CDH13: variants seen among roughly 807,000 people sequenced by gnomAD.
CDH13 encodes cadherin 13.
A neutral mutation model predicts 63.8 loss-of-function variants in CDH13; 24 were observed. The ratio of observed to expected loss-of-function variants is 0.38; its 90% CI spans 0.27 to 0.53. The LOEUF (loss-of-function observed/expected upper bound fraction) is 0.53, where lower values mean the gene tolerates loss of function less well. Ranked by LOEUF, CDH13 falls within the 20% of genes least tolerant of loss-of-function variation. The probability of loss-of-function intolerance (pLI) is 0.85; values close to 1 mark genes in which losing one functional copy is unlikely to be tolerated. For synonymous variants in CDH13, 503 were observed against 355.3 expected, an observed-to-expected ratio of 1.42 and a Z score of -4.67; for missense variants, 1,049 against 903.1, an observed-to-expected ratio of 1.16 and a Z score of -2.07.
intron 2 of CDH13, among the ~76,000 whole-genome samples, chr16:83,029,133 A>G (rs1483638814): frequency 1.1e-4 from 16 of 152,224 alleles, no homozygotes; most frequent in Non-Finnish European, 1.5e-5. Context: ...TTGAATGTGG[A>G]AAGTGCTCAA....
chr16:83,384,783 C>G (rs1334897445), intron 6 of CDH13, among the ~76,000 whole-genome samples: 2 of 152,220 alleles, frequency 1.3e-5, no homozygotes, highest in Admixed American at 1.3e-4. Context: ...CAGGCATGCG[C>G]TTGGCTTTTG....
chr16:82,816,096 C>G (rs1314546125), intron 1 of CDH13, among the ~76,000 whole-genome samples: 3 of 152,102 alleles, frequency 2.0e-5, no homozygotes, highest in African/African-American at 7.2e-5. Flanking sequence ...GAGGATGAGC[C>G]TTGCAAACAA....
intron 8 of CDH13, among the ~76,000 whole-genome samples, chr16:83,623,289 A>C (rs138852243): frequency 6.6e-6 from 1 of 152,090 alleles, no homozygotes; most frequent in African/African-American, 2.4e-5. Context: ...GAGTTCCCCC[A>C]AATCACTCCC....
chr16:83,259,378 C>T (rs1418266770), intron 5 of CDH13, among the ~76,000 whole-genome samples: 2 of 152,114 alleles, frequency 1.3e-5, no homozygotes, highest in Non-Finnish European at 2.9e-5. Context: ...GATGGTGCTG[C>T]TTGGAAAGTC....
At chr16:83,259,807 C>T (rs1449106279) in intron 5 of CDH13, among the ~76,000 whole-genome samples, 1 of 152,138 alleles carries the variant, frequency 6.6e-6, no homozygotes, top group Non-Finnish European at 1.5e-5. Context: ...TCCATGGCAG[C>T]TTACCTACCT....
rs533375168 is a variant in CDH13, at chr16:82,776,696, T to C, written c.46-81666T>C. ...TGGGTTGACTGTGGGTTCGGTTTTC[T>C]CTCCAGATTGAACACTTAGTACTTA... On this transcript the variant is annotated intron_variant, in intron 1 of 13. Transcript: ENST00000567109. Among the ~76,000 whole-genome samples the C allele has an allele frequency of 3.3e-5, 5 of 152,344 alleles. No homozygotes were observed. The South Asian group carries it at 6.2e-4, about 19-fold the overall frequency.
intron 8 of CDH13, among the ~76,000 whole-genome samples, chr16:83,656,261 C>A (rs909923816): frequency 1.3e-5 from 2 of 152,174 alleles, no homozygotes; most frequent in African/African-American, 4.8e-5. Flanking sequence ...CCTGCATTTT[C>A]AGCCTTCACA....
intron 4 of CDH13, among the ~76,000 whole-genome samples, chr16:83,158,055 C>G (rs2037287544): frequency 6.6e-6 from 1 of 152,142 alleles, no homozygotes; most frequent in African/African-American, 2.4e-5. Flanking sequence ...GATTGTTTCA[C>G]TTTCCTTGGG....
chr16:82,818,043 GCATA>G (rs2037809484), intron 1 of CDH13, among the ~76,000 whole-genome samples: 1 of 152,018 alleles, frequency 6.6e-6, no homozygotes, highest in Non-Finnish European at 1.5e-5. Context: ...ATATTTGCAT[GCATA>G]CATACATGAC....
At chr16:82,802,926 T>A (rs2036938955) in intron 1 of CDH13, among the ~76,000 whole-genome samples, 1 of 152,108 alleles carries the variant, frequency 6.6e-6, no homozygotes, top group South Asian at 2.1e-4. Flanking sequence ...TTGAAATAAA[T>A]CCCACCCACT....
At chr16:83,533,094 TCAA>T (rs1002795470) in intron 7 of CDH13, among the ~76,000 whole-genome samples, 1 of 152,172 alleles carries the variant, frequency 6.6e-6, no homozygotes, top group Non-Finnish European at 1.5e-5. Context: ...ACAGTCTACC[TCAA>T]CATCAGCTCT....
intron 13 of CDH13, among the ~76,000 whole-genome samples, chr16:83,784,647 A>AG: frequency 1.3e-5 from 2 of 151,556 alleles, no homozygotes; most frequent in South Asian, 4.2e-4. Flanking sequence ...AAAAAAAAAA[A>AG]AGGAAACAAG....
chr16:82,939,921 G>C (rs2042781260), intron 2 of CDH13, among the ~76,000 whole-genome samples: 1 of 152,162 alleles, frequency 6.6e-6, no homozygotes, highest in African/African-American at 2.4e-5. Flanking sequence ...AAAGAGGTTT[G>C]ATGGACTCAC....
At chr16:83,697,551 G>C (rs114580926) in intron 10 of CDH13, among the ~76,000 whole-genome samples, 4,599 of 152,276 alleles carry the variant, frequency 0.03, 246 homozygotes, top group African/African-American at 0.11. Context: ...AGGAAGGTGT[G>C]TTTAAGCAGA....
chr16:83,071,471 T>G (rs1041701477), intron 3 of CDH13, among the ~76,000 whole-genome samples: 3 of 152,156 alleles, frequency 2.0e-5, no homozygotes, highest in African/African-American at 7.2e-5. Flanking sequence ...AAGCCTTGGT[T>G]AAAGGGCCAG....
At chr16:83,526,830 GC>G (rs956337725) in intron 7 of CDH13, among the ~76,000 whole-genome samples, 20 of 152,268 alleles carry the variant, frequency 1.3e-4, no homozygotes, top group African/African-American at 4.6e-4. Flanking sequence ...AAGCAGGCAG[GC>G]AGACAGAATG....
chr16:83,738,290 T>C (rs1226780848), intron 10 of CDH13, among the ~76,000 whole-genome samples: 1 of 152,214 alleles, frequency 6.6e-6, no homozygotes, highest in Non-Finnish European at 1.5e-5. Context: ...ACCCAGCAAA[T>C]GTTTATTCCA....
At chr16:83,508,156 C>G (rs185068789) in intron 7 of CDH13, among the ~76,000 whole-genome samples, 62 of 12,654 alleles carry the variant, frequency 4.9e-3, no homozygotes, top group African/African-American at 0.013. Flanking sequence ...GGAGGGGAGG[C>G]GAGGGGAGGG....
intron 1 of CDH13, among the ~76,000 whole-genome samples, chr16:82,659,098 G>A (rs978364579): frequency 6.6e-6 from 1 of 152,166 alleles, no homozygotes. Context: ...TATACAGAAA[G>A]TAATGCCAGA....
Sources: allele counts gnomAD v4.1 joint callset (sites outside exome capture counted in the v4.1 genomes callset), GRCh38; gene constraint gnomAD v4.1.1; transcripts MANE v1.5; gene names NCBI Gene and HGNC (gene_info 2026-07-23, HGNC 2026-07-21).